The following SLC24A1 variants were observed in gnomAD, a reference collection of about 807,000 sequenced individuals.
SLC24A1 encodes the protein sodium/potassium/calcium exchanger 1.
Under a neutral mutation model 88.1 loss-of-function variants are expected in SLC24A1, and 52 were observed. The observed-to-expected ratio is 0.59, with a 90% CI of 0.47 to 0.74. SLC24A1 has a LOEUF of 0.74. Among genes scored for constraint, SLC24A1 ranks in the 30% least tolerant of loss-of-function variants. The pLI is 0.00. For synonymous variants in SLC24A1, 455 were observed against 498.0 expected (o/e 0.91, Z 1.15); for missense variants, 1,173 against 1,363.3 (o/e 0.86, Z 2.20).
At chr15:65,652,224 A>T (rs529735502) in intron 8 of SLC24A1, 1 of 303,450 alleles carries the variant, frequency 3.3e-6, no homozygotes, top group East Asian at 8.6e-5. Context: ...ATTAGGGTCT[A>T]TGTCATCCTG....
rs989548667 is a variant in SLC24A1, at chr15:65,654,801, G to T, written c.*722G>T. On this transcript the variant is annotated 3_prime_UTR_variant, in exon 10 of 10. Transcript: ENST00000261892. ...GCACACCACAACCTTCACCTCCCCGGTTCAAGCAATTCTCCTGCCTCAGCC... is the reference window on the plus strand; with the variant it reads ...GCACACCACAACCTTCACCTCCCCGTTTCAAGCAATTCTCCTGCCTCAGCC... The T allele has an allele frequency of 4.1e-5, 43 of 1,045,152 alleles. No individual in the cohort carries two copies. In the African/African-American group the frequency reaches 6.9e-4, roughly 17 times the overall value. 64.7% of individuals were successfully genotyped at this position (1,045,152 alleles called of 1,614,324 possible).
chr15:65,655,647 C>G lies in SLC24A1; in HGVS notation c.*1568C>G. The G allele has an allele frequency of 6.1e-6, 6 of 985,172 alleles. No homozygotes were observed. The highest frequency in any genetic ancestry group is 7.2e-6 in the Non-Finnish European group (6 of 829,894). The allele number at this position is 985,172 out of a possible 1,614,324, so 61.0% of individuals were successfully genotyped here. On this transcript the variant is annotated 3_prime_UTR_variant, in exon 10 of 10. Coordinates refer to ENST00000261892, the MANE Select transcript of SLC24A1 (RefSeq NM_004727.3). ...ATGATGGTAAATATGGCTTTAATTA[C>G]AAACATGAGGAATGATTCACTGAAG...
At chr15:65,623,671 C>G (rs907655977) in intron 1 of SLC24A1, among the ~76,000 whole-genome samples, 2 of 152,088 alleles carry the variant, frequency 1.3e-5, no homozygotes, top group African/African-American at 2.4e-5. Flanking sequence ...TTGCTGAGAG[C>G]CCAGGGAGGA....
At chr15:65,642,910 T>A in intron 4 of SLC24A1, 1 of 927,836 alleles carries the variant, frequency 1.1e-6, no homozygotes. Flanking sequence ...CCGTTTCCTC[T>A]CAGTCCGTCT....
At chr15:65,613,175 A>G (rs542105290) in intron 2 of SLC24A1, among the ~76,000 whole-genome samples, 18 of 152,342 alleles carry the variant, frequency 1.2e-4, no homozygotes, top group Non-Finnish European at 2.1e-4. Context: ...AAATCAATAA[A>G]TAGTTTCCTT....
intron 6 of SLC24A1, among the ~76,000 whole-genome samples, chr15:65,647,111 C>T (rs964078011): frequency 6.6e-5 from 10 of 152,138 alleles, no homozygotes; most frequent in Admixed American, 2.6e-4. Context: ...CTTATGAGCA[C>T]ACATATAACC....
At chr15:65,628,520 G>A (rs1345515846) in intron 2 of SLC24A1, among the ~76,000 whole-genome samples, 4 of 152,152 alleles carry the variant, frequency 2.6e-5, no homozygotes, top group African/African-American at 9.7e-5. Flanking sequence ...CCATGCTTAC[G>A]GAGAGCCTAT....
At chr15:65,626,857 T>C (rs2074538724) in intron 2 of SLC24A1, among the ~76,000 whole-genome samples, 1 of 152,148 alleles carries the variant, frequency 6.6e-6, no homozygotes, top group South Asian at 2.1e-4. Context: ...ATTCCAAGTT[T>C]TTTGTTCCTT....
At chr15:65,646,797 C>T (rs990146506) in intron 6 of SLC24A1, among the ~76,000 whole-genome samples, 3 of 152,146 alleles carry the variant, frequency 2.0e-5, no homozygotes, top group Admixed American at 6.5e-5. Context: ...ACCCAGAAAA[C>T]GCTTGATTAT....
At chr15:65,651,004 C>A in intron 7 of SLC24A1, 62 bp downstream of exon 7, 1 of 1,410,912 alleles carries the variant, frequency 7.1e-7, no homozygotes. Context: ...GGTCTCTCGG[C>A]ATGCGGGGCT....
At position 65,654,235 on chromosome 15, in the gene SLC24A1, T is replaced by C. The variant is rs1027189630; in HGVS notation, c.*156T>C. 11 of 1,424,576 alleles carry C rather than the reference T, an allele frequency of 7.7e-6. No individual in the cohort carries two copies. The Admixed American group carries it at 1.8e-4, about 23-fold the overall frequency. The allele number at this position is 1,424,576 out of a possible 1,614,324, so 88.2% of individuals were successfully genotyped here. On this transcript the variant is annotated 3_prime_UTR_variant, in exon 10 of 10. Coordinates refer to ENST00000261892, the MANE Select transcript of SLC24A1 (RefSeq NM_004727.3). ...GAATGTGATCTGAGACTAAAGTTTG[T>C]CCTTGGAAACACCTGCAGCTCATTG... is the stretch of plus-strand genomic sequence containing the variant.
chr15:65,618,189 C>G (rs1401960745), upstream of SLC24A1, among the ~76,000 whole-genome samples: 1 of 152,136 alleles, frequency 6.6e-6, no homozygotes, highest in African/African-American at 2.4e-5. Flanking sequence ...GACATTCTTA[C>G]ATATGCTTTG....
At chr15:65,618,390 T>A (rs913641457), upstream of SLC24A1, among the ~76,000 whole-genome samples, 4 of 152,222 alleles carry the variant, frequency 2.6e-5, no homozygotes, top group Admixed American at 6.5e-5. Context: ...TTAACTGCTG[T>A]ATATAATTGA....
intron 9 of SLC24A1, chr15:65,653,052 C>T (rs539899478): frequency 2.7e-5 from 9 of 336,036 alleles, no homozygotes; most frequent in Non-Finnish European, 3.8e-5. Flanking sequence ...AACCAAAGTC[C>T]ATTTCATTCC....
In SLC24A1 at chr15:65,624,977, G is replaced by T. The variant is rs997450485; in HGVS notation, c.897G>T (p.Val299=). The T allele has an allele frequency of 3.1e-6, 5 of 1,607,992 alleles. No homozygotes were observed. The African/African-American group carries it at 5.4e-5, about 17-fold the overall frequency. The change falls in exon 2 of 10, where the codon GTG becomes GTT. Residue 299 remains valine, a synonymous_variant. Transcript: ENST00000261892. ...SNSSAHPWGL[V]GKSNPKTPQG... ...GCTCAGCCCATCCCTGGGGGTTAGT[G>T]GGAAAGAGCAACCCGAAGACTCCCC...
At chr15:65,628,694 GT>G (rs968664585) in intron 2 of SLC24A1, among the ~76,000 whole-genome samples, 1 of 152,088 alleles carries the variant, frequency 6.6e-6, no homozygotes, top group African/African-American at 2.4e-5. Context: ...CGATATCTGG[GT>G]TTTAAGCCAG....
At chr15:65,642,809 T>C in intron 4 of SLC24A1, 4 of 357,902 alleles carry the variant, frequency 1.1e-5, no homozygotes, top group South Asian at 8.7e-5. Context: ...GAGGAGGAAA[T>C]TCCAGACCCA....
chr15:65,623,502 A>G (rs185663181), intron 1 of SLC24A1, among the ~76,000 whole-genome samples: 77 of 152,346 alleles, frequency 5.1e-4, no homozygotes, highest in African/African-American at 1.7e-3. Context: ...GTCCCTGGCA[A>G]TGCCCTCCAC....
chr15:65,618,016 G>C (rs2074204205), upstream of SLC24A1, among the ~76,000 whole-genome samples: 2 of 152,152 alleles, frequency 1.3e-5, no homozygotes, highest in African/African-American at 4.8e-5. Flanking sequence ...AAAATTCAAA[G>C]TTTCAAAATA....
Sources: gnomAD v4.1 joint callset for allele counts (sites outside exome capture counted in the v4.1 genomes callset) on GRCh38, gnomAD v4.1.1 for gene constraint, MANE v1.5 for transcripts, NCBI Gene and HGNC (gene_info 2026-07-23, HGNC 2026-07-21) for gene names.